LARP1B: variants seen among roughly 807,000 people sequenced by gnomAD.
LARP1B encodes La ribonucleoprotein 1B.
Under a neutral mutation model 114.2 loss-of-function variants are expected in LARP1B, and 76 were observed. The ratio of observed to expected loss-of-function variants is 0.67; its 90% CI spans 0.55 to 0.81. The LOEUF is 0.81. Ranked by LOEUF, LARP1B falls within the 30% of genes least tolerant of loss-of-function variation. The pLI is 0.00. For missense variants in LARP1B, 1,014 were observed against 1,075.8 expected (o/e 0.94, Z 0.80); for synonymous variants, 345 against 348.0 (o/e 0.99, Z 0.10).
intron 15 of LARP1B, among the ~76,000 whole-genome samples, chr4:128,195,166 C>T (rs1054602590): frequency 6.6e-6 from 1 of 152,134 alleles, no homozygotes; most frequent in African/African-American, 2.4e-5. Flanking sequence ...ATTATATTTG[C>T]TCCTAGTCTA....
At chr4:128,153,783 C>A (rs1308936980) in intron 11 of LARP1B, among the ~76,000 whole-genome samples, 8 of 152,132 alleles carry the variant, frequency 5.3e-5, no homozygotes, top group African/African-American at 1.9e-4. Context: ...TACCGGTAGC[C>A]TACTAAATTC....
Position 128,114,563 on chromosome 4 carries a change from A to T in LARP1B, c.989-7A>T, listed in dbSNP as rs761829783. The T allele has an allele frequency of 6.2e-7, 1 of 1,600,004 alleles. No homozygotes were observed. The highest frequency in any genetic ancestry group is 1.3e-5 in the African/African-American group (1 of 74,098). ...ATTTTAACTATAGAACTAACTTAAA[A>T]TTTTAGAGTCTGCCCCAAATTCTCC... On this transcript the variant is annotated splice_polypyrimidine_tract_variant and splice_region_variant and intron_variant, in intron 9 of 19. Transcript: ENST00000326639.
chr4:128,091,292 G>A (rs1775833811), intron 6 of LARP1B, 55 bp from the exon 7 acceptor site: 11 of 1,530,830 alleles, frequency 7.2e-6, no homozygotes, highest in East Asian at 2.3e-5. Flanking sequence ...TTTATCCGTA[G>A]TAACTATTTT....
At chr4:128,209,753 A>G (rs1283349164) in intron 19 of LARP1B, 103 bp from the exon 20 acceptor site, 7 of 845,220 alleles carry the variant, frequency 8.3e-6, no homozygotes, top group Non-Finnish European at 1.4e-5. Context: ...ATTATACTGA[A>G]GTGTCCATTT....
intron 17 of LARP1B, among the ~76,000 whole-genome samples, chr4:128,202,587 T>C (rs911219423): frequency 6.6e-6 from 1 of 152,234 alleles, no homozygotes; most frequent in Admixed American, 6.5e-5. Flanking sequence ...TATTTTGCTA[T>C]TTATGCAATT....
chr4:128,157,818 T>G (rs900373672), intron 11 of LARP1B, among the ~76,000 whole-genome samples: 5 of 152,088 alleles, frequency 3.3e-5, no homozygotes, highest in African/African-American at 1.2e-4. Context: ...AGAGATATTA[T>G]CAGAGAAATG....
intron 15 of LARP1B, among the ~76,000 whole-genome samples, chr4:128,197,271 A>T (rs1754480198): frequency 6.6e-6 from 1 of 152,232 alleles, no homozygotes; most frequent in African/African-American, 2.4e-5. Flanking sequence ...TCATTAGAAA[A>T]GTCTTTAAGT....
intron 10 of LARP1B, among the ~76,000 whole-genome samples, chr4:128,119,620 C>A (rs1369242679): frequency 6.6e-6 from 1 of 152,204 alleles, no homozygotes; most frequent in Non-Finnish European, 1.5e-5. Flanking sequence ...CATTCCTACT[C>A]CTTGTAACTG....
chr4:128,063,248 G>A (rs1225662823), intron 1 of LARP1B, among the ~76,000 whole-genome samples: 3 of 150,756 alleles, frequency 2.0e-5, no homozygotes, highest in Non-Finnish European at 2.9e-5. Flanking sequence ...CCAATATGGC[G>A]AAACCCCGTC....
intron 9 of LARP1B, among the ~76,000 whole-genome samples, chr4:128,109,597 G>A (rs967760946): frequency 6.6e-6 from 1 of 151,898 alleles, no homozygotes; most frequent in Non-Finnish European, 1.5e-5. Context: ...TAAATGAAAG[G>A]ATTTCATTCA....
chr4:128,194,352 G>C (rs761613859), intron 15 of LARP1B, among the ~76,000 whole-genome samples: 7 of 152,096 alleles, frequency 4.6e-5, no homozygotes, highest in Non-Finnish European at 8.8e-5. Context: ...GATTACAAGT[G>C]TGAGTTACCG....
At chr4:128,203,182 ACT>A (rs1256298637) in intron 17 of LARP1B, among the ~76,000 whole-genome samples, 1 of 151,688 alleles carries the variant, frequency 6.6e-6, no homozygotes, top group East Asian at 1.9e-4. Context: ...ACTGAACAAG[ACT>A]CTGTCTCAAC....
chr4:128,188,790 C>T (rs569288316), intron 15 of LARP1B, among the ~76,000 whole-genome samples: 2 of 152,248 alleles, frequency 1.3e-5, no homozygotes, highest in South Asian at 2.1e-4. Context: ...TTAATTTCCA[C>T]GTTTGTGTAG....
chr4:128,152,402 C>T (rs981084231), intron 11 of LARP1B, among the ~76,000 whole-genome samples: 1 of 151,936 alleles, frequency 6.6e-6, no homozygotes, highest in Admixed American at 6.6e-5. Context: ...CGAGGTTTCA[C>T]CATGTTGGCC....
At position 128,150,732 on chromosome 4, in the gene LARP1B, A is replaced by G. The variant is rs1732414332; in HGVS notation, c.1525-11462A>G. ...CAAGACAGCAAGACTCTGTCTTGGGAAAAAAAAATAAATGAAGAAATGTAA... is the reference window on the plus strand; with the variant it reads ...CAAGACAGCAAGACTCTGTCTTGGGGAAAAAAAATAAATGAAGAAATGTAA... On this transcript the variant is annotated intron_variant, in intron 11 of 19. Coordinates refer to ENST00000326639, the MANE Select transcript of LARP1B (RefSeq NM_018078.4). Among the ~76,000 whole-genome samples the G allele has an allele frequency of 3.3e-5, 5 of 151,692 alleles. No individual in the cohort carries two copies. The South Asian group carries it at 6.3e-4, about 19-fold the overall frequency.
At chr4:128,167,618 G>C (rs896871248) in intron 12 of LARP1B, among the ~76,000 whole-genome samples, 12 of 151,736 alleles carry the variant, frequency 7.9e-5, no homozygotes, top group African/African-American at 2.7e-4. Flanking sequence ...GAGCTTTGTG[G>C]GTCATATTTT....
intron 11 of LARP1B, among the ~76,000 whole-genome samples, chr4:128,152,973 C>CTTT (rs141211750): frequency 4.9e-5 from 4 of 81,274 alleles, no homozygotes; most frequent in Non-Finnish European, 9.8e-5. Context: ...TTTGGTTTGC[C>CTTT]TTTTTTTTTT....
At chr4:128,183,522 A>G (rs1749274916) in intron 15 of LARP1B, among the ~76,000 whole-genome samples, 1 of 152,260 alleles carries the variant, frequency 6.6e-6, no homozygotes. Flanking sequence ...CTTTCAAAAT[A>G]TTACTGCTCA....
chr4:128,150,296 T>C (rs1164358398), intron 11 of LARP1B, among the ~76,000 whole-genome samples: 3 of 150,704 alleles, frequency 2.0e-5, no homozygotes, highest in Non-Finnish European at 3.0e-5. Flanking sequence ...TTTTTTCTTT[T>C]TTTTTTTTTT....
Sources: allele counts gnomAD v4.1 joint callset (sites outside exome capture counted in the v4.1 genomes callset), GRCh38; gene constraint gnomAD v4.1.1; transcripts MANE v1.5; gene names NCBI Gene and HGNC (gene_info 2026-07-23, HGNC 2026-07-21).